Variants in SPAG16 observed in about 807,000 individuals in gnomAD.
The protein encoded by SPAG16 is sperm-associated antigen 16 protein.
In SPAG16, 86 loss-of-function variants were observed where a neutral mutation model predicts 80.4. That is an observed-to-expected ratio of 1.07 (90% CI 0.90 to 1.28). SPAG16 has a LOEUF of 1.28. Ranked by LOEUF, SPAG16 falls within the 50% of genes most tolerant of loss-of-function variation. The probability of loss-of-function intolerance (pLI) is 0.00; values close to 1 mark genes in which losing one functional copy is unlikely to be tolerated. For missense variants in SPAG16, 870 were observed against 765.3 expected (o/e 1.14, Z -1.61); for synonymous variants, 294 against 265.9 (o/e 1.11, Z -1.03).
intron 14 of SPAG16, among the ~76,000 whole-genome samples, chr2:214,116,318 T>C (rs1184401306): frequency 2.0e-5 from 3 of 152,330 alleles, no homozygotes; most frequent in Non-Finnish European, 4.4e-5. Flanking sequence ...TGTACAAGGA[T>C]ACAGAAGGAG....
intron 10 of SPAG16, among the ~76,000 whole-genome samples, chr2:213,578,898 T>C (rs2060214145): frequency 1.3e-5 from 2 of 152,064 alleles, no homozygotes; most frequent in South Asian, 2.1e-4. Context: ...ACTGTTAATA[T>C]AGCTAAGGAA....
intron 10 of SPAG16, among the ~76,000 whole-genome samples, chr2:213,840,981 C>T (rs2074335955): frequency 6.6e-6 from 1 of 152,198 alleles, no homozygotes; most frequent in African/African-American, 2.4e-5. Context: ...TCTCCACACA[C>T]AGCCTCTGCT....
chr2:214,309,287 T>C (rs1695127949), intron 15 of SPAG16, among the ~76,000 whole-genome samples: 1 of 152,190 alleles, frequency 6.6e-6, no homozygotes, highest in African/African-American at 2.4e-5. Context: ...TCTCCCATAA[T>C]GTTTTATCAT....
At chr2:213,805,560 A>G (rs777276962) in intron 10 of SPAG16, among the ~76,000 whole-genome samples, 30 of 152,176 alleles carry the variant, frequency 2.0e-4, no homozygotes, top group Non-Finnish European at 2.8e-4. Context: ...TGTTGTCGAA[A>G]CTGTAGCAGA....
chr2:213,687,266 T>C (rs538759880), intron 10 of SPAG16, among the ~76,000 whole-genome samples: 4 of 152,288 alleles, frequency 2.6e-5, no homozygotes, highest in African/African-American at 9.6e-5. Flanking sequence ...ATATATGTTA[T>C]AAAAGTCACA....
intron 10 of SPAG16, among the ~76,000 whole-genome samples, chr2:213,729,859 A>T (rs539449193): frequency 6.6e-6 from 1 of 152,322 alleles, no homozygotes; most frequent in South Asian, 2.1e-4. Context: ...ACAGACTAAC[A>T]TCAGTCCTCA....
intron 15 of SPAG16, chr2:214,238,145 C>T (rs774632898): frequency 2.2e-5 from 9 of 416,252 alleles, no homozygotes; most frequent in South Asian, 7.1e-5. Flanking sequence ...GAAAATACCA[C>T]GTATCTTTAT....
intron 10 of SPAG16, among the ~76,000 whole-genome samples, chr2:213,635,149 C>T (rs1574582406): frequency 6.6e-6 from 1 of 151,870 alleles, no homozygotes; most frequent in Non-Finnish European, 1.5e-5. Flanking sequence ...ATTCTCCTGC[C>T]TCAGCCTCCT....
intron 14 of SPAG16, among the ~76,000 whole-genome samples, chr2:214,124,368 T>A (rs764366875): frequency 1.3e-5 from 2 of 151,730 alleles, no homozygotes; most frequent in Non-Finnish European, 2.9e-5. Context: ...CAGTACGAAA[T>A]TGTTCTAAGT....
At chr2:213,665,162 GATTA>G (rs1250842100) in intron 10 of SPAG16, among the ~76,000 whole-genome samples, 5 of 152,034 alleles carry the variant, frequency 3.3e-5, no homozygotes, top group African/African-American at 4.8e-5. Context: ...TGCTGATATA[GATTA>G]ATTCATTTTT....
intron 10 of SPAG16, among the ~76,000 whole-genome samples, chr2:213,686,300 G>A (rs949090103): frequency 6.6e-6 from 1 of 152,128 alleles, no homozygotes; most frequent in Non-Finnish European, 1.5e-5. Flanking sequence ...TGTATTTTTA[G>A]TAGAGACGGG....
chr2:213,869,033 C>T (rs890895817), intron 11 of SPAG16, among the ~76,000 whole-genome samples: 1 of 151,524 alleles, frequency 6.6e-6, no homozygotes, highest in African/African-American at 2.4e-5. Flanking sequence ...AGGCGGATCA[C>T]CTGAGGTCAG....
intron 14 of SPAG16, among the ~76,000 whole-genome samples, chr2:214,141,138 G>A (rs186763946): frequency 6.6e-6 from 1 of 152,054 alleles, no homozygotes; most frequent in East Asian, 1.9e-4. Flanking sequence ...TCAGCATTTT[G>A]TCTTTGATTT....
chr2:213,478,291 C>T (rs2073538456), intron 9 of SPAG16, among the ~76,000 whole-genome samples: 1 of 152,100 alleles, frequency 6.6e-6, no homozygotes, highest in Non-Finnish European at 1.5e-5. Context: ...TAAACAGGTA[C>T]ATTTAAATTT....
At chr2:213,539,586 A>G (rs879449336) in intron 10 of SPAG16, among the ~76,000 whole-genome samples, 2 of 152,196 alleles carry the variant, frequency 1.3e-5, no homozygotes, top group African/African-American at 2.4e-5. Context: ...GCAAGCAATC[A>G]TGATTTTTCT....
At chr2:213,824,891 C>T (rs2073178123) in intron 10 of SPAG16, among the ~76,000 whole-genome samples, 1 of 151,886 alleles carries the variant, frequency 6.6e-6, no homozygotes, top group Non-Finnish European at 1.5e-5. Flanking sequence ...TTTTTTGTCT[C>T]CTCTTCAGTT....
intron 15 of SPAG16, among the ~76,000 whole-genome samples, chr2:214,227,698 G>C (rs1559141303): frequency 1.2e-5 from 1 of 80,696 alleles, no homozygotes; most frequent in Non-Finnish European, 2.3e-5. Flanking sequence ...CTTGTGGAAG[G>C]TGTATGTGTG....
At chr2:214,173,797 C>T (rs1405974972) in intron 15 of SPAG16, among the ~76,000 whole-genome samples, 1 of 151,984 alleles carries the variant, frequency 6.6e-6, no homozygotes, top group African/African-American at 2.4e-5. Flanking sequence ...GACCAATATC[C>T]TTGATGAACA....
intron 15 of SPAG16, among the ~76,000 whole-genome samples, chr2:214,250,749 T>TAGAGAGAGAGAGAG (rs377538514): frequency 4.0e-4 from 37 of 92,790 alleles, no homozygotes; most frequent in Non-Finnish European, 7.9e-4. Context: ...TATATATATA[T>TAGAGAGAGAGAGAG]ATATATATAG....
Sources: allele counts gnomAD v4.1 joint callset (sites outside exome capture counted in the v4.1 genomes callset), GRCh38; gene constraint gnomAD v4.1.1; transcripts MANE v1.5; gene names NCBI Gene and HGNC (gene_info 2026-07-23, HGNC 2026-07-21).